AKT3: variants seen among roughly 807,000 people sequenced by gnomAD.
The protein encoded by AKT3 is AKT serine/threonine kinase 3.
Under a neutral mutation model 65.3 loss-of-function variants are expected in AKT3, and 15 were observed. The observed-to-expected ratio is 0.23, with a 90% confidence interval of 0.15 to 0.35. The LOEUF (loss-of-function observed/expected upper bound fraction) is 0.35, where lower values mean the gene tolerates loss of function less well. Ranked by LOEUF, AKT3 falls within the 10% of genes least tolerant of loss-of-function variation. The pLI is 1.00. For missense variants in AKT3, 243 were observed against 576.5 expected (o/e 0.42, Z 5.92); for synonymous variants, 206 against 183.8 (o/e 1.12, Z -0.98).
At chr1:243,799,483 A>C (rs1267154323) in intron 2 of AKT3, among the ~76,000 whole-genome samples, 2 of 152,244 alleles carry the variant, frequency 1.3e-5, no homozygotes, top group Non-Finnish European at 2.9e-5. Flanking sequence ...AAGCAAATTC[A>C]TAGTTTTAGA....
rs539023225 is a variant in AKT3 at position 243,801,519 on chromosome 1, C to T, written c.46+41606G>A. Among the ~76,000 whole-genome samples the T allele has an allele frequency of 1.1e-4, 17 of 152,138 alleles. No individual in the cohort carries two copies. The South Asian group carries it at 3.1e-3, about 28-fold the overall frequency. ...CATTTAAACACTACTGATGTTTATC[C>T]AGCCAACAAAAAAGTATAATAGCAC... is the stretch of plus-strand genomic sequence containing the variant. On this transcript the variant is annotated intron_variant, in intron 2 of 13. Coordinates refer to ENST00000673466, the MANE Select transcript of AKT3 (RefSeq NM_005465.7).
At chr1:243,586,659 AG>A (rs1675834805) in intron 8 of AKT3, among the ~76,000 whole-genome samples, 1 of 152,186 alleles carries the variant, frequency 6.6e-6, no homozygotes. Context: ...CTTGCTTATA[AG>A]TAGGAGCTAA....
chr1:243,778,417 T>C (rs1330220937), intron 2 of AKT3, among the ~76,000 whole-genome samples: 1 of 152,112 alleles, frequency 6.6e-6, no homozygotes, highest in Non-Finnish European at 1.5e-5. Context: ...TCTTAAAAGA[T>C]ATGAAGAAGA....
chr1:243,544,240 TG>T (rs1157241092), intron 12 of AKT3, among the ~76,000 whole-genome samples: 2 of 66,770 alleles, frequency 3.0e-5, no homozygotes, highest in East Asian at 9.5e-4. Context: ...TCTGAGGTAG[TG>T]GGGGAAAAAA....
chr1:243,750,683 G>A lies in AKT3; in HGVS notation c.47-54967C>T, dbSNP rs550200651. The stretch of plus-strand genomic sequence containing the variant: ...TGCAAACTCTGCCTCCTGGGTTCAA[G>A]TGATTCTCCTGCTTCAGCTTCTCGA... On this transcript the variant is annotated intron_variant, in intron 2 of 13. Coordinates refer to ENST00000673466, the MANE Select transcript of AKT3 (RefSeq NM_005465.7). Among the ~76,000 whole-genome samples, 28 of 151,680 alleles carry A rather than the reference G, an allele frequency of 1.8e-4. No homozygotes were observed. The South Asian group carries it at 2.7e-3, about 15-fold the overall frequency.
In AKT3 at chr1:243,614,245, T is replaced by C. The variant is rs144483682; in HGVS notation, c.628-506A>G. 1.5e-3 allele frequency among the ~76,000 whole-genome samples: 229 copies of C among 152,218 alleles called. 1 individual carries two copies. The highest frequency in any genetic ancestry group is 5.3e-3 in the African/African-American group (221 of 41,540). ...AGGTTATATATAGGTTATTAAAAAA[T>C]ACCCAAATGCTATCTTATTACACTA... is the stretch of plus-strand genomic sequence containing the variant. On this transcript the variant is annotated intron_variant, in intron 7 of 13. Transcript: ENST00000673466.
chr1:243,659,930 T>A (rs1380173894), intron 4 of AKT3, among the ~76,000 whole-genome samples: 1 of 152,194 alleles, frequency 6.6e-6, no homozygotes, highest in Non-Finnish European at 1.5e-5. Context: ...AGGATATTGG[T>A]CTAAAATTCT....
intron 3 of AKT3, among the ~76,000 whole-genome samples, chr1:243,686,920 C>A (rs932718312): frequency 1.3e-5 from 2 of 151,576 alleles, no homozygotes; most frequent in Non-Finnish European, 2.9e-5. Context: ...CCACCTCAGC[C>A]TCCCAAAGTT....
chr1:243,759,050 A>G (rs187150808), intron 2 of AKT3, among the ~76,000 whole-genome samples: 6 of 152,380 alleles, frequency 3.9e-5, no homozygotes, highest in Non-Finnish European at 7.3e-5. Context: ...GAGGTGGCTC[A>G]TGCCTGTAAT....
chr1:243,595,329 T>C (rs1488303108), intron 8 of AKT3, among the ~76,000 whole-genome samples: 7 of 152,272 alleles, frequency 4.6e-5, no homozygotes, highest in Admixed American at 1.3e-4. Context: ...TGAATGAAAC[T>C]TGTAGGACTG....
chr1:243,795,432 T>C (rs1019318656), intron 2 of AKT3, among the ~76,000 whole-genome samples: 23 of 151,258 alleles, frequency 1.5e-4, no homozygotes, highest in Non-Finnish European at 2.9e-4. Context: ...CAGGCGTAGG[T>C]TTCCCTTGAT....
intron 8 of AKT3, among the ~76,000 whole-genome samples, chr1:243,594,532 A>C (rs1216898526): frequency 6.6e-6 from 1 of 152,224 alleles, no homozygotes; most frequent in Non-Finnish European, 1.5e-5. Context: ...TCAAAGATCA[A>C]TTAAACAGAA....
At chr1:243,708,831 GTCT>G (rs1685970683) in intron 2 of AKT3, among the ~76,000 whole-genome samples, 1 of 152,036 alleles carries the variant, frequency 6.6e-6, no homozygotes, top group East Asian at 1.9e-4. Context: ...GTTCCAAAGT[GTCT>G]TCTTAAAAGC....
At chr1:243,849,965 G>A in intron 1 of AKT3, 75 bp downstream of exon 1, 1 of 958,132 alleles carries the variant, frequency 1.0e-6, no homozygotes, top group South Asian at 4.7e-5. Context: ...CAGGGAGGGC[G>A]GACCGGGGCC....
intron 3 of AKT3, among the ~76,000 whole-genome samples, chr1:243,674,823 C>T (rs1336242756): frequency 6.6e-6 from 1 of 152,130 alleles, no homozygotes; most frequent in Non-Finnish European, 1.5e-5. Flanking sequence ...GATTGTGATA[C>T]AGCTTTTAAA....
intron 6 of AKT3, among the ~76,000 whole-genome samples, chr1:243,637,209 T>C (rs1156816402): frequency 1.3e-5 from 2 of 152,108 alleles, no homozygotes; most frequent in African/African-American, 4.8e-5. Flanking sequence ...CTATTTAGGA[T>C]GTTTTTCCAT....
At chr1:243,516,610 G>A (rs779580124) in intron 12 of AKT3, among the ~76,000 whole-genome samples, 1 of 151,930 alleles carries the variant, frequency 6.6e-6, no homozygotes, top group Non-Finnish European at 1.5e-5. Flanking sequence ...TAGAGTGCAG[G>A]GATGTGATCA....
At chr1:243,592,562 G>C (rs777324311) in intron 8 of AKT3, among the ~76,000 whole-genome samples, 18 of 152,128 alleles carry the variant, frequency 1.2e-4, no homozygotes, top group Non-Finnish European at 2.4e-4. Flanking sequence ...CATTTTTATA[G>C]TAATGAAATG....
At chr1:243,807,702 G>C (rs1393627724) in intron 2 of AKT3, among the ~76,000 whole-genome samples, 1 of 152,242 alleles carries the variant, frequency 6.6e-6, no homozygotes, top group African/African-American at 2.4e-5. Flanking sequence ...TCCCAGCACA[G>C]AGCTTGAGAT....
Sources: gnomAD v4.1 joint callset for allele counts (sites outside exome capture counted in the v4.1 genomes callset) on GRCh38, gnomAD v4.1.1 for gene constraint, MANE v1.5 for transcripts, NCBI Gene and HGNC (gene_info 2026-07-23, HGNC 2026-07-21) for gene names.